The following PCDHA11 variants were observed in gnomAD, a reference collection of about 807,000 sequenced individuals.
PCDHA11 encodes protocadherin alpha-11.
PCDHA11 carries 61 observed loss-of-function variants against 70.3 expected under a neutral mutation model. That is an observed-to-expected ratio of 0.87 (90% CI 0.71 to 1.07). The LOEUF (loss-of-function observed/expected upper bound fraction) is 1.07, where lower values mean the gene tolerates loss of function less well. Among genes scored for constraint, PCDHA11 ranks in the 50% least tolerant of loss-of-function variants. The pLI, the probability that PCDHA11 is intolerant of heterozygous loss-of-function variation, is 0.00. For missense variants in PCDHA11, 1,324 were observed against 1,237.5 expected (o/e 1.07, Z -1.05); for synonymous variants, 633 against 555.1 (o/e 1.14, Z -1.97).
At chr5:140,971,692 C>G (rs2096492766) in intron 1 of PCDHA11, among the ~76,000 whole-genome samples, 1 of 152,116 alleles carries the variant, frequency 6.6e-6, no homozygotes, top group South Asian at 2.1e-4. Context: ...TTTGTACTCA[C>G]TAACCACCCT....
chr5:140,874,732 C>T (rs1338972564), intron 1 of PCDHA11, among the ~76,000 whole-genome samples: 1 of 152,186 alleles, frequency 6.6e-6, no homozygotes, highest in Non-Finnish European at 1.5e-5. Context: ...TTATCACATT[C>T]AAGCATCAAG....
At chr5:140,894,973 C>G (rs1297295605) in intron 1 of PCDHA11, among the ~76,000 whole-genome samples, 1 of 152,076 alleles carries the variant, frequency 6.6e-6, no homozygotes, top group Non-Finnish European at 1.5e-5. Context: ...TTTTTAATGT[C>G]TTACTTTGTG....
intron 3 of PCDHA11, among the ~76,000 whole-genome samples, chr5:141,001,563 C>A (rs531745574): frequency 6.6e-6 from 1 of 152,296 alleles, no homozygotes; most frequent in South Asian, 2.1e-4. Context: ...GACCACGATT[C>A]TCCTGTGTTT....
intron 1 of PCDHA11, among the ~76,000 whole-genome samples, chr5:140,891,044 C>G (rs1167178710): frequency 6.6e-6 from 1 of 152,030 alleles, no homozygotes; most frequent in Non-Finnish European, 1.5e-5. Flanking sequence ...GTGTGACCCC[C>G]ACAGCACATA....
chr5:140,965,440 T>C (rs1028835719), intron 1 of PCDHA11, among the ~76,000 whole-genome samples: 42 of 151,984 alleles, frequency 2.8e-4, no homozygotes, highest in Admixed American at 1.3e-4. Context: ...GTCATTGAAA[T>C]TGCTGGTTAT....
At chr5:140,945,760 G>T (rs2093839081) in intron 1 of PCDHA11, among the ~76,000 whole-genome samples, 2 of 152,154 alleles carry the variant, frequency 1.3e-5, no homozygotes, top group East Asian at 1.9e-4. Flanking sequence ...AAATGGTGGT[G>T]GGACAATTTG....
chr5:140,925,721 T>C lies in PCDHA11; in HGVS notation c.2392-53228T>C, dbSNP rs1360748997. Among the ~76,000 whole-genome samples the C allele has an allele frequency of 3.3e-5, 5 of 151,692 alleles. No individual in the cohort carries two copies. In the East Asian group the frequency reaches 7.7e-4, roughly 23 times the overall value. ...AGCCTATTCTTATCCTGCCTCATGG[T>C]GTTTTCTAAATATTTACAGAAAGAA... On this transcript the variant is annotated intron_variant, in intron 1 of 3. Transcript: ENST00000398640.
intron 1 of PCDHA11, among the ~76,000 whole-genome samples, chr5:140,915,139 G>C (rs2153533338): frequency 6.6e-6 from 1 of 151,944 alleles, no homozygotes; most frequent in Non-Finnish European, 1.5e-5. Flanking sequence ...AGTAGAGACG[G>C]GGTTTCACCA....
chr5:140,997,334 C>G (rs2097767888), intron 3 of PCDHA11, among the ~76,000 whole-genome samples: 3 of 152,098 alleles, frequency 2.0e-5, no homozygotes, highest in Admixed American at 2.0e-4. Flanking sequence ...TTTCGTTGTA[C>G]AAATATCATA....
chr5:140,991,172 G>T (rs2097436221), intron 3 of PCDHA11, among the ~76,000 whole-genome samples: 1 of 152,160 alleles, frequency 6.6e-6, no homozygotes, highest in Non-Finnish European at 1.5e-5. Flanking sequence ...CCATTGTCAA[G>T]CAGGATGCCT....
At chr5:140,931,507 T>C (rs564431042) in intron 1 of PCDHA11, among the ~76,000 whole-genome samples, 1 of 152,016 alleles carries the variant, frequency 6.6e-6, no homozygotes, top group African/African-American at 2.4e-5. Flanking sequence ...TTTAAACATA[T>C]ATGAATGATT....
intron 1 of PCDHA11, among the ~76,000 whole-genome samples, chr5:140,978,436 G>A (rs190191755): frequency 6.6e-6 from 1 of 152,348 alleles, no homozygotes; most frequent in East Asian, 1.9e-4. Flanking sequence ...AGTTGCTGGT[G>A]TTATGACTGG....
chr5:140,887,537 C>A (rs530539711), intron 1 of PCDHA11, among the ~76,000 whole-genome samples: 7 of 152,132 alleles, frequency 4.6e-5, no homozygotes, highest in African/African-American at 7.2e-5. Flanking sequence ...TTCCTCTCCC[C>A]ACCCCTCATG....
chr5:140,970,651 T>C (rs1191146950), intron 1 of PCDHA11, among the ~76,000 whole-genome samples: 4 of 152,226 alleles, frequency 2.6e-5, no homozygotes, highest in Non-Finnish European at 5.9e-5. Flanking sequence ...TAGTGATGAA[T>C]TGTTATCTTT....
chr5:140,880,970 C>A (rs2058546777), intron 1 of PCDHA11, among the ~76,000 whole-genome samples: 1 of 152,070 alleles, frequency 6.6e-6, no homozygotes, highest in South Asian at 2.1e-4. Context: ...TAAGAGAATA[C>A]CAAATACTCT....
intron 3 of PCDHA11, among the ~76,000 whole-genome samples, chr5:140,986,633 C>T (rs566373023): frequency 5.9e-5 from 9 of 152,266 alleles, no homozygotes; most frequent in Admixed American, 3.3e-4. Context: ...GGCAACAGTA[C>T]ATTAGTTTTA....
intron 1 of PCDHA11, chr5:140,877,033 C>A: frequency 6.2e-7 from 1 of 1,612,480 alleles, no homozygotes; most frequent in East Asian, 2.2e-5. Flanking sequence ...GTACGCGCTG[C>A]AGCCGCTAGA....
At chr5:141,009,462 A>G (rs1279658091) in intron 3 of PCDHA11, 165 bp from the exon 4 acceptor site, 2 of 954,512 alleles carry the variant, frequency 2.1e-6, no homozygotes, top group Non-Finnish European at 2.5e-6. Flanking sequence ...TAAACAAATA[A>G]ATAAATAAGT....
intron 1 of PCDHA11, among the ~76,000 whole-genome samples, chr5:140,941,202 C>T (rs246071): frequency 0.094 from 11,551 of 122,542 alleles, 708 homozygotes; most frequent in Admixed American, 0.12. Context: ...TTTCTTTCTT[C>T]CTTTCTTTCT....
Sources: allele counts gnomAD v4.1 joint callset (sites outside exome capture counted in the v4.1 genomes callset), GRCh38; gene constraint gnomAD v4.1.1; transcripts MANE v1.5; gene names NCBI Gene and HGNC (gene_info 2026-07-23, HGNC 2026-07-21).